The following NALF1 variants were observed in gnomAD, a reference collection of about 807,000 sequenced individuals.
NALF1 encodes family with sequence similarity 155 member A.
Under a neutral mutation model 48.4 loss-of-function variants are expected in NALF1, and 3 were observed. That is an observed-to-expected ratio of 0.06 (90% CI 0.03 to 0.16). The LOEUF (loss-of-function observed/expected upper bound fraction) is 0.16. Among genes scored for constraint, NALF1 ranks in the 10% least tolerant of loss-of-function variants. The pLI is 1.00. For synonymous variants in NALF1, 262 were observed against 245.7 expected, an observed-to-expected ratio of 1.07 and a Z score of -0.62; for missense variants, 526 against 571.5, an observed-to-expected ratio of 0.92 and a Z score of 0.81.
chr13:107,502,264 T>C (rs1875549454), intron 1 of NALF1, among the ~76,000 whole-genome samples: 1 of 152,150 alleles, frequency 6.6e-6, no homozygotes, highest in Non-Finnish European at 1.5e-5. Flanking sequence ...AAAAGGGACT[T>C]TTAAGAGATG....
chr13:107,295,232 C>T (rs1024247859), intron 1 of NALF1, among the ~76,000 whole-genome samples: 39 of 152,260 alleles, frequency 2.6e-4, no homozygotes, highest in Middle Eastern at 3.4e-3. Flanking sequence ...TAAGTGATAA[C>T]ATGTGGTATT....
intron 1 of NALF1, among the ~76,000 whole-genome samples, chr13:107,501,414 T>A (rs898026823): frequency 2.0e-5 from 3 of 152,214 alleles, no homozygotes; most frequent in African/African-American, 7.2e-5. Flanking sequence ...AATTTTTTTT[T>A]ATTTCCATTA....
At chr13:107,395,962 G>A (rs930294058) in intron 1 of NALF1, among the ~76,000 whole-genome samples, 1 of 152,052 alleles carries the variant, frequency 6.6e-6, no homozygotes, top group Non-Finnish European at 1.5e-5. Context: ...CTGAGGTTTA[G>A]GATTTTGTCT....
At position 107,164,034 on chromosome 13, in the gene NALF1, G is replaced by A. The variant is rs1878610582; in HGVS notation, c.*6463C>T. ...AAAATGGCCATAAGTTGAAATTTGC[G>A]TTTCGGTAAAAATGACCTTCTACTT... On this transcript the variant is annotated 3_prime_UTR_variant, in exon 3 of 3. Coordinates refer to ENST00000375915, the MANE Select transcript of NALF1 (RefSeq NM_001080396.3). 1.3e-5 allele frequency: 2 copies of A among 152,170 alleles called. No homozygotes were observed. The highest frequency in any genetic ancestry group is 1.3e-4 in the Admixed American group (2 of 15,282). The allele number at this position is 152,170 out of a possible 1,614,324, so 9.4% of individuals were successfully genotyped here.
chr13:107,257,122 A>G (rs1485520510), intron 1 of NALF1, among the ~76,000 whole-genome samples: 2 of 152,140 alleles, frequency 1.3e-5, no homozygotes, highest in East Asian at 3.9e-4. Flanking sequence ...ACCCCTTACA[A>G]AACCATCAGA....
intron 1 of NALF1, among the ~76,000 whole-genome samples, chr13:107,790,422 A>T (rs986239569): frequency 6.6e-6 from 1 of 152,202 alleles, no homozygotes; most frequent in African/African-American, 2.4e-5. Flanking sequence ...AGATGAAAGC[A>T]TTTATAGAAT....
intron 1 of NALF1, among the ~76,000 whole-genome samples, chr13:107,471,509 TG>T (rs35940013): frequency 0.4 from 61,398 of 151,938 alleles, 12,645 homozygotes; most frequent in Middle Eastern, 0.48. Context: ...TCTAATATTG[TG>T]GGACTTATTT....
chr13:107,209,525 A>G (rs1306389570), intron 2 of NALF1, among the ~76,000 whole-genome samples: 1 of 152,030 alleles, frequency 6.6e-6, no homozygotes, highest in Non-Finnish European at 1.5e-5. Context: ...AGAAATACTC[A>G]TCCAGTTCTT....
chr13:107,289,665 A>T (rs1420344285), intron 1 of NALF1, among the ~76,000 whole-genome samples: 2 of 152,178 alleles, frequency 1.3e-5, no homozygotes, highest in African/African-American at 4.8e-5. Context: ...GGGAGTAGGC[A>T]TCTGAGTGTA....
At chr13:107,789,952 G>T (rs1030232718) in intron 1 of NALF1, among the ~76,000 whole-genome samples, 3 of 152,172 alleles carry the variant, frequency 2.0e-5, no homozygotes, top group Admixed American at 1.3e-4. Flanking sequence ...GGCAAATTGT[G>T]CTATTCAGGA....
intron 1 of NALF1, among the ~76,000 whole-genome samples, chr13:107,729,613 A>G (rs1485066646): frequency 6.6e-6 from 1 of 151,944 alleles, no homozygotes; most frequent in African/African-American, 2.4e-5. Context: ...AGTAGCTGAG[A>G]TTACAGGCGC....
At chr13:107,708,257 C>G (rs1027267906) in intron 1 of NALF1, among the ~76,000 whole-genome samples, 2 of 152,122 alleles carry the variant, frequency 1.3e-5, no homozygotes, top group Non-Finnish European at 2.9e-5. Flanking sequence ...TTAGAAACTA[C>G]AACTGTCCCT....
intron 1 of NALF1, among the ~76,000 whole-genome samples, chr13:107,556,872 GGGA>G (rs1312137821): frequency 1.3e-5 from 2 of 152,116 alleles, no homozygotes; most frequent in Non-Finnish European, 2.9e-5. Flanking sequence ...GAGGAGAAAA[GGGA>G]GGAGAACTAG....
At chr13:107,536,877 C>T (rs1292043292) in intron 1 of NALF1, among the ~76,000 whole-genome samples, 3 of 152,146 alleles carry the variant, frequency 2.0e-5, no homozygotes, top group Admixed American at 6.5e-5. Context: ...GGCACATATA[C>T]ACCATGGAAT....
intron 1 of NALF1, among the ~76,000 whole-genome samples, chr13:107,309,181 G>A (rs1881997848): frequency 6.6e-6 from 1 of 152,148 alleles, no homozygotes; most frequent in African/African-American, 2.4e-5. Flanking sequence ...CTCAAAAAAT[G>A]TTGATGGATG....
At chr13:107,857,006 A>T (rs942178759) in intron 1 of NALF1, among the ~76,000 whole-genome samples, 1 of 152,196 alleles carries the variant, frequency 6.6e-6, no homozygotes, top group African/African-American at 2.4e-5. Flanking sequence ...CTAAAGCAAC[A>T]CAAAGCATTG....
intron 1 of NALF1, among the ~76,000 whole-genome samples, chr13:107,864,475 T>C (rs1213269554): frequency 1.3e-5 from 2 of 152,268 alleles, no homozygotes; most frequent in Non-Finnish European, 2.9e-5. Flanking sequence ...TTGACTTTAT[T>C]TTCCCAGCAG....
rs187259138 is a variant in NALF1, at chr13:107,349,646, C to T, written c.916-138891G>A. On this transcript the variant is annotated intron_variant, in intron 1 of 2. Transcript: ENST00000375915. ...GTCCCAGCTACTTGGAAAGCTGAGGCAGAGGAATCACTTGAACCTGGGAGG... is the reference window on the plus strand; with the variant it reads ...GTCCCAGCTACTTGGAAAGCTGAGGTAGAGGAATCACTTGAACCTGGGAGG... Among the ~76,000 whole-genome samples, 299 of 150,450 alleles carry T rather than the reference C, an allele frequency of 2.0e-3. 1 individual carries two copies. The highest frequency in any genetic ancestry group is 6.8e-3 in the Middle Eastern group (2 of 292).
intron 1 of NALF1, among the ~76,000 whole-genome samples, chr13:107,278,195 C>A (rs1297861790): frequency 6.6e-6 from 1 of 152,150 alleles, no homozygotes; most frequent in African/African-American, 2.4e-5. Flanking sequence ...CTATCATTGG[C>A]TGGATTGTTT....
Sources: gnomAD v4.1 joint callset for allele counts (sites outside exome capture counted in the v4.1 genomes callset) on GRCh38, gnomAD v4.1.1 for gene constraint, MANE v1.5 for transcripts, NCBI Gene and HGNC (gene_info 2026-07-23, HGNC 2026-07-21) for gene names.